Variants in CNTNAP2 observed in about 807,000 individuals in gnomAD.
The protein encoded by CNTNAP2 is contactin associated protein 2.
Under a neutral mutation model 155.2 loss-of-function variants are expected in CNTNAP2, and 98 were observed. The observed-to-expected ratio is 0.63, with a 90% CI of 0.54 to 0.75. The LOEUF is 0.75. Ranked by LOEUF, CNTNAP2 falls within the 30% of genes least tolerant of loss-of-function variation. The probability of loss-of-function intolerance (pLI) is 0.00; values close to 1 mark genes in which losing one functional copy is unlikely to be tolerated. For missense variants in CNTNAP2, 1,727 were observed against 1,688.1 expected (o/e 1.02, Z -0.40); for synonymous variants, 651 against 631.2 (o/e 1.03, Z -0.47).
rs115537621 is a variant in CNTNAP2 at position 146,211,440 on chromosome 7, T to C, written c.97+94467T>C. On this transcript the variant is annotated intron_variant, in intron 1 of 23. Coordinates refer to ENST00000361727, the MANE Select transcript of CNTNAP2 (RefSeq NM_014141.6). The stretch of plus-strand genomic sequence containing the variant: ...AAAAATAAGTAAGTGCTCACTTTTT[T>C]GTGAAGGTGACATTATTCTTTTAAT... Among the ~76,000 whole-genome samples the C allele has an allele frequency of 6.4e-3, 969 of 152,320 alleles. 15 individuals are homozygous for C. Among genetic ancestry groups the C allele is most frequent in the African/African-American group, 0.022 (907 of 41,580 alleles).
intron 11 of CNTNAP2, among the ~76,000 whole-genome samples, chr7:147,508,488 G>C (rs1798955181): frequency 6.6e-6 from 1 of 152,108 alleles, no homozygotes; most frequent in Admixed American, 6.5e-5. Context: ...CAAAAACCTT[G>C]CAACTCTTGA....
intron 1 of CNTNAP2, among the ~76,000 whole-genome samples, chr7:146,370,353 G>A (rs555183470): frequency 1.3e-3 from 192 of 149,654 alleles, no homozygotes; most frequent in African/African-American, 4.4e-3. Flanking sequence ...CAAGAGATTC[G>A]TTTGTACCCA....
chr7:147,727,279 G>A (rs148889028), intron 13 of CNTNAP2, among the ~76,000 whole-genome samples: 73 of 151,878 alleles, frequency 4.8e-4, no homozygotes, highest in African/African-American at 1.4e-3. Context: ...GTTACTGGTC[G>A]GTTTAAATCA....
chr7:146,331,027 G>T (rs904642461), intron 1 of CNTNAP2, among the ~76,000 whole-genome samples: 1 of 152,070 alleles, frequency 6.6e-6, no homozygotes, highest in Non-Finnish European at 1.5e-5. Flanking sequence ...TATCATGGCC[G>T]GGCGCGGTGG....
intron 13 of CNTNAP2, among the ~76,000 whole-genome samples, chr7:147,773,252 G>T (rs1797503251): frequency 6.6e-6 from 1 of 152,134 alleles, no homozygotes; most frequent in African/African-American, 2.4e-5. Flanking sequence ...TGGTGCAGAG[G>T]TCTCTTTATG....
At chr7:147,419,591 A>G (rs1797255282) in intron 10 of CNTNAP2, among the ~76,000 whole-genome samples, 2 of 152,168 alleles carry the variant, frequency 1.3e-5, no homozygotes, top group Admixed American at 1.3e-4. Flanking sequence ...AAGAAGGCAG[A>G]AGTTACAATA....
At chr7:146,435,772 A>C (rs1461005697) in intron 1 of CNTNAP2, among the ~76,000 whole-genome samples, 2 of 152,202 alleles carry the variant, frequency 1.3e-5, no homozygotes, top group Non-Finnish European at 2.9e-5. Flanking sequence ...CATATGTTGT[A>C]GGAGTCGTTC....
At chr7:147,030,709 A>G (rs1365124804) in intron 3 of CNTNAP2, among the ~76,000 whole-genome samples, 1 of 152,068 alleles carries the variant, frequency 6.6e-6, no homozygotes, top group African/African-American at 2.4e-5. Context: ...TTTTCCACAC[A>G]TCTGACTACT....
In CNTNAP2 at chr7:147,801,185, TAGAG is replaced by T. The variant is rs553377334; in HGVS notation, c.2099-102376_2099-102373del. Among the ~76,000 whole-genome samples the T allele has an allele frequency of 2.8e-4, 43 of 152,236 alleles. No homozygotes were observed. The East Asian group carries it at 6.0e-3, about 21-fold the overall frequency. On this transcript the variant is annotated intron_variant, in intron 13 of 23. Transcript: ENST00000361727. ...TAAGATTTGTAAGAGTTCTCAAACATAGAGAGAATATTATGTATCATTATTATAT... is the reference window on the plus strand; with the variant it reads ...TAAGATTTGTAAGAGTTCTCAAACATAGAATATTATGTATCATTATTATAT...
At position 147,117,517 on chromosome 7, in the gene CNTNAP2, A is replaced by T. The variant is rs372531414; in HGVS notation, c.755-3462A>T. Among the ~76,000 whole-genome samples, 12 of 152,188 alleles carry T rather than the reference A, an allele frequency of 7.9e-5. No homozygotes were observed. In the East Asian group the frequency reaches 1.2e-3, roughly 15 times the overall value. The stretch of plus-strand genomic sequence containing the variant: ...TGTGAGAACCTGAATATTTCATTTG[A>T]AAAGGCTGTATTTACTGATCCCTTC... On this transcript the variant is annotated intron_variant, in intron 5 of 23. Coordinates refer to ENST00000361727, the MANE Select transcript of CNTNAP2 (RefSeq NM_014141.6).
intron 1 of CNTNAP2, among the ~76,000 whole-genome samples, chr7:146,226,780 C>G (rs145921681): frequency 6.6e-6 from 1 of 151,964 alleles, no homozygotes; most frequent in African/African-American, 2.4e-5. Flanking sequence ...CAAATGAGAA[C>G]ATAATTATTA....
intron 14 of CNTNAP2, among the ~76,000 whole-genome samples, chr7:147,935,087 G>GT (rs1005842078): frequency 6.7e-6 from 1 of 149,688 alleles, no homozygotes; most frequent in African/African-American, 2.4e-5. Flanking sequence ...CTAATGCAAA[G>GT]TTTTTTGTTT....
At chr7:147,607,754 G>C (rs892072107) in intron 12 of CNTNAP2, among the ~76,000 whole-genome samples, 9 of 152,140 alleles carry the variant, frequency 5.9e-5, no homozygotes, top group Admixed American at 1.3e-4. Flanking sequence ...AACGGTGTCA[G>C]AAAGAGCATA....
chr7:146,487,855 TAG>T (rs1797079750), intron 1 of CNTNAP2, among the ~76,000 whole-genome samples: 1 of 152,098 alleles, frequency 6.6e-6, no homozygotes, highest in South Asian at 2.1e-4. Flanking sequence ...CAATCTTGCT[TAG>T]AGTCAGCCCT....
intron 4 of CNTNAP2, chr7:147,081,671 T>C (rs952693367): frequency 1.3e-5 from 2 of 151,932 alleles, no homozygotes; most frequent in South Asian, 4.2e-4. Context: ...GCCAGGATGA[T>C]ATTGATCTCC....
intron 19 of CNTNAP2, among the ~76,000 whole-genome samples, chr7:148,223,379 C>G (rs573828098): frequency 2.9e-4 from 44 of 152,292 alleles, no homozygotes; most frequent in Middle Eastern, 3.4e-3. Flanking sequence ...CATCTCCTGC[C>G]TACGATCAGT....
intron 1 of CNTNAP2, among the ~76,000 whole-genome samples, chr7:146,759,124 A>G (rs1229199773): frequency 6.6e-6 from 1 of 152,068 alleles, no homozygotes; most frequent in Non-Finnish European, 1.5e-5. Context: ...AAACAATTTT[A>G]TTTAGAAATT....
intron 13 of CNTNAP2, among the ~76,000 whole-genome samples, chr7:147,758,087 C>T (rs558273677): frequency 8.5e-5 from 13 of 152,202 alleles, no homozygotes; most frequent in African/African-American, 2.6e-4. Flanking sequence ...AAATTGAAAA[C>T]GAATCAAACA....
intron 2 of CNTNAP2, among the ~76,000 whole-genome samples, chr7:146,826,851 T>TAGAG (rs1437184151): frequency 1.4e-3 from 203 of 142,502 alleles, no homozygotes; most frequent in African/African-American, 5.0e-3. Flanking sequence ...TATATATATA[T>TAGAG]ATATATAGAG....
Sources: allele counts gnomAD v4.1 joint callset (sites outside exome capture counted in the v4.1 genomes callset), GRCh38; gene constraint gnomAD v4.1.1; transcripts MANE v1.5; gene names NCBI Gene and HGNC (gene_info 2026-07-23, HGNC 2026-07-21).